Variants in EPHA6 observed in about 807,000 individuals in gnomAD.
EPHA6 encodes the protein ephrin type-A receptor 6.
Under a neutral mutation model 112.0 loss-of-function variants are expected in EPHA6, and 50 were observed. The observed-to-expected ratio is 0.45, with a 90% CI of 0.36 to 0.56. The LOEUF (loss-of-function observed/expected upper bound fraction) is 0.56. Ranked by LOEUF, EPHA6 falls within the 20% of genes least tolerant of loss-of-function variation. The probability of loss-of-function intolerance (pLI) is 0.00; values close to 1 mark genes in which losing one functional copy is unlikely to be tolerated. For missense variants in EPHA6, 1,280 were observed against 1,417.4 expected (o/e 0.90, Z 1.56); for synonymous variants, 529 against 490.7 (o/e 1.08, Z -1.03).
At chr3:96,827,202 C>T (rs2033719795) in intron 1 of EPHA6, among the ~76,000 whole-genome samples, 1 of 152,098 alleles carries the variant, frequency 6.6e-6, no homozygotes, top group South Asian at 2.1e-4. Context: ...ATAGTCTTCT[C>T]ATTTGTCCAG....
At chr3:97,376,231 A>C (rs1030778186) in intron 5 of EPHA6, among the ~76,000 whole-genome samples, 1 of 152,208 alleles carries the variant, frequency 6.6e-6, no homozygotes, top group African/African-American at 2.4e-5. Context: ...AATAGTAGAG[A>C]GTTATCTCAT....
chr3:97,685,697 C>G (rs1299825066), intron 14 of EPHA6, among the ~76,000 whole-genome samples: 4 of 152,130 alleles, frequency 2.6e-5, no homozygotes, highest in Non-Finnish European at 5.9e-5. Flanking sequence ...ATGGCCATGC[C>G]TAACTTCAAA....
At chr3:97,649,091 T>G (rs192436349) in intron 14 of EPHA6, among the ~76,000 whole-genome samples, 5 of 152,278 alleles carry the variant, frequency 3.3e-5, no homozygotes, top group Admixed American at 2.6e-4. Flanking sequence ...TAGTCTGTTT[T>G]CTCGCTGCTA....
intron 5 of EPHA6, among the ~76,000 whole-genome samples, chr3:97,396,717 T>C (rs2086715055): frequency 6.6e-6 from 1 of 151,792 alleles, no homozygotes; most frequent in Non-Finnish European, 1.5e-5. Context: ...TTAGCATTCT[T>C]ATCTTTAAAA....
intron 5 of EPHA6, among the ~76,000 whole-genome samples, chr3:97,280,776 C>A (rs2080259510): frequency 6.6e-6 from 1 of 151,950 alleles, no homozygotes; most frequent in Non-Finnish European, 1.5e-5. Flanking sequence ...GTTCCAAAAC[C>A]AAAAATCTTC....
chr3:96,929,710 G>A (rs900758325), intron 2 of EPHA6, among the ~76,000 whole-genome samples: 10 of 152,070 alleles, frequency 6.6e-5, no homozygotes, highest in African/African-American at 9.7e-5. Context: ...TGTTGGGGTC[G>A]ATCTTCTTGT....
At chr3:97,104,093 C>G (rs1398821420) in intron 3 of EPHA6, among the ~76,000 whole-genome samples, 1 of 152,084 alleles carries the variant, frequency 6.6e-6, no homozygotes, top group African/African-American at 2.4e-5. Flanking sequence ...CATCTGAAAA[C>G]AGGTATATTT....
chr3:97,174,883 A>G (rs897245833), intron 3 of EPHA6, among the ~76,000 whole-genome samples: 1 of 151,852 alleles, frequency 6.6e-6, no homozygotes, highest in Admixed American at 6.6e-5. Context: ...TTTGCCGTGA[A>G]GAGCCTTTTC....
chr3:96,830,318 G>A (rs145405666), intron 1 of EPHA6, among the ~76,000 whole-genome samples: 617 of 152,016 alleles, frequency 4.1e-3, no homozygotes, highest in Non-Finnish European at 6.1e-3. Flanking sequence ...TCACTAATGC[G>A]CATATAAAAA....
At chr3:96,893,945 A>G (rs1172652360) in intron 2 of EPHA6, among the ~76,000 whole-genome samples, 1 of 152,230 alleles carries the variant, frequency 6.6e-6, no homozygotes, top group Non-Finnish European at 1.5e-5. Flanking sequence ...TAGAAACTCT[A>G]GATAAGCTGA....
chr3:97,117,506 TAA>T (rs1204434368), intron 3 of EPHA6, among the ~76,000 whole-genome samples: 1 of 151,782 alleles, frequency 6.6e-6, no homozygotes, highest in Non-Finnish European at 1.5e-5. Flanking sequence ...TTGAGTGATA[TAA>T]GTGACTAATT....
At chr3:97,103,612 G>C (rs910791121) in intron 3 of EPHA6, among the ~76,000 whole-genome samples, 18 of 151,976 alleles carry the variant, frequency 1.2e-4, no homozygotes, top group African/African-American at 3.9e-4. Context: ...AATTTCCTTG[G>C]CTATTTGGGC....
chr3:97,256,992 C>T (rs978104630), intron 5 of EPHA6, among the ~76,000 whole-genome samples: 9 of 151,576 alleles, frequency 5.9e-5, no homozygotes, highest in Admixed American at 1.3e-4. Flanking sequence ...TTAAAGAAAC[C>T]GAAGAGATAG....
intron 2 of EPHA6, among the ~76,000 whole-genome samples, chr3:96,934,866 A>G (rs2040499927): frequency 6.7e-6 from 1 of 149,154 alleles, no homozygotes; most frequent in South Asian, 2.1e-4. Flanking sequence ...TCCTTTAAGT[A>G]TAATAGCTTT....
chr3:96,920,340 C>G (rs2107626483), intron 2 of EPHA6, among the ~76,000 whole-genome samples: 1 of 151,978 alleles, frequency 6.6e-6, no homozygotes, highest in South Asian at 2.1e-4. Flanking sequence ...ATTCATCTGT[C>G]TATTAGAAAA....
chr3:96,841,752 T>G (rs527989229), intron 1 of EPHA6, among the ~76,000 whole-genome samples: 1 of 152,158 alleles, frequency 6.6e-6, no homozygotes, highest in Non-Finnish European at 1.5e-5. Context: ...ACCTAGCCTA[T>G]TTTTATGTAT....
At chr3:97,032,925 C>A (rs1035480967) in intron 3 of EPHA6, among the ~76,000 whole-genome samples, 6 of 151,856 alleles carry the variant, frequency 4.0e-5, no homozygotes, top group African/African-American at 1.5e-4. Context: ...AAAAACTAGG[C>A]AGGGAGTTAA....
chr3:96,853,596 T>C (rs561208347), intron 1 of EPHA6, among the ~76,000 whole-genome samples: 3 of 152,172 alleles, frequency 2.0e-5, no homozygotes, highest in South Asian at 4.1e-4. Context: ...TTCAGATTAG[T>C]TATATGTAGG....
At chr3:96,816,857 C>T (rs960510764) in intron 1 of EPHA6, among the ~76,000 whole-genome samples, 5 of 151,984 alleles carry the variant, frequency 3.3e-5, no homozygotes, top group African/African-American at 1.2e-4. Context: ...TATTTATTAA[C>T]CTCTTCCAGT....
Sources: gnomAD v4.1 joint callset for allele counts (sites outside exome capture counted in the v4.1 genomes callset) on GRCh38, gnomAD v4.1.1 for gene constraint, MANE v1.5 for transcripts, NCBI Gene and HGNC (gene_info 2026-07-23, HGNC 2026-07-21) for gene names.